Variants in ST6GAL1 observed in about 807,000 individuals in gnomAD.
The protein encoded by ST6GAL1 is beta-galactoside alpha-2,6-sialyltransferase 1.
ST6GAL1 carries 20 observed loss-of-function variants against 38.0 expected under a neutral mutation model. That is an observed-to-expected ratio of 0.53 (90% CI 0.37 to 0.77). The LOEUF is 0.77. Ranked by LOEUF, ST6GAL1 falls within the 30% of genes least tolerant of loss-of-function variation. The probability of loss-of-function intolerance (pLI) is 0.00; values close to 1 mark genes in which losing one functional copy is unlikely to be tolerated. For synonymous variants in ST6GAL1, 196 were observed against 188.2 expected, an observed-to-expected ratio of 1.04 and a Z score of -0.34; for missense variants, 432 against 496.4, an observed-to-expected ratio of 0.87 and a Z score of 1.23.
chr3:187,064,520 A>T (rs1312371175), intron 5 of ST6GAL1: 1 of 456,662 alleles, frequency 2.2e-6, no homozygotes, highest in South Asian at 1.5e-5. Context: ...ACACTTCTAG[A>T]TCTCTGTGCA....
intron 2 of ST6GAL1, among the ~76,000 whole-genome samples, chr3:187,018,174 G>A (rs75572438): frequency 0.043 from 6,575 of 152,132 alleles, 192 homozygotes; most frequent in Non-Finnish European, 0.061. Flanking sequence ...CAGAAAAATC[G>A]TAATTTTACA....
intron 2 of ST6GAL1, among the ~76,000 whole-genome samples, chr3:187,010,246 T>C (rs1716912881): frequency 6.6e-6 from 1 of 152,246 alleles, no homozygotes; most frequent in South Asian, 2.1e-4. Context: ...CAAATTGTCC[T>C]TCAGAGAAGA....
intron 5 of ST6GAL1, chr3:187,072,284 CAA>C (rs1277782797): frequency 1.3e-5 from 2 of 159,384 alleles, no homozygotes; most frequent in African/African-American, 4.8e-5. Context: ...CCTCTGCACA[CAA>C]ACTGAATATT....
At chr3:187,025,076 C>CCCAGGGGTGGTACGATTCTG (rs1222052760) in intron 2 of ST6GAL1, among the ~76,000 whole-genome samples, 1 of 151,618 alleles carries the variant, frequency 6.6e-6, no homozygotes, top group Admixed American at 6.6e-5. Context: ...TCTCAATTCT[C>CCCAGGGGTGGTACGATTCTG]CCAGGGGTGG....
chr3:186,963,135 C>G (rs775748901), intron 1 of ST6GAL1, among the ~76,000 whole-genome samples: 1 of 152,138 alleles, frequency 6.6e-6, no homozygotes, highest in Non-Finnish European at 1.5e-5. Context: ...CAAATGCCCT[C>G]TATTCAGGCA....
chr3:187,009,533 G>A (rs555591723), intron 2 of ST6GAL1, among the ~76,000 whole-genome samples: 6 of 152,328 alleles, frequency 3.9e-5, no homozygotes, highest in African/African-American at 1.4e-4. Context: ...TTGGGAGGCT[G>A]AGGAGGGAGG....
At chr3:186,981,466 T>C (rs1265969718) in intron 2 of ST6GAL1, among the ~76,000 whole-genome samples, 3 of 152,170 alleles carry the variant, frequency 2.0e-5, no homozygotes, top group East Asian at 1.9e-4. Flanking sequence ...ACAGCAGATA[T>C]TTGAGGGCCA....
chr3:186,964,492 C>T (rs1241096640), intron 2 of ST6GAL1: 1 of 152,166 alleles, frequency 6.6e-6, no homozygotes, highest in African/African-American at 2.4e-5. Context: ...TACAATATAT[C>T]TGAAACCCTG....
chr3:186,987,959 T>C (rs1716011322), intron 2 of ST6GAL1, among the ~76,000 whole-genome samples: 1 of 152,228 alleles, frequency 6.6e-6, no homozygotes, highest in Non-Finnish European at 1.5e-5. Context: ...TCTTTTCCAG[T>C]TGGCAGTCAT....
intron 2 of ST6GAL1, among the ~76,000 whole-genome samples, chr3:187,024,519 GAGAGTA>G (rs2108567958): frequency 7.2e-6 from 1 of 138,154 alleles, no homozygotes; most frequent in East Asian, 2.1e-4. Context: ...GAGAGAGAGA[GAGAGTA>G]TATGTGTATA....
intron 5 of ST6GAL1, among the ~76,000 whole-genome samples, chr3:187,068,515 A>T (rs1160926741): frequency 6.6e-6 from 1 of 152,220 alleles, no homozygotes; most frequent in African/African-American, 2.4e-5. Flanking sequence ...TGTTGTGAAG[A>T]TAAACTGAGT....
chr3:187,059,132 C>T (rs1560180221), intron 5 of ST6GAL1, among the ~76,000 whole-genome samples: 1 of 151,766 alleles, frequency 6.6e-6, no homozygotes, highest in Non-Finnish European at 1.5e-5. Context: ...GGCGTTACAC[C>T]ACTCCAAGAG....
intron 2 of ST6GAL1, among the ~76,000 whole-genome samples, chr3:186,973,686 G>A (rs1715427890): frequency 6.6e-6 from 1 of 152,122 alleles, no homozygotes; most frequent in Non-Finnish European, 1.5e-5. Flanking sequence ...AGTGTCTTAG[G>A]GAGTGTTGGC....
intron 2 of ST6GAL1, among the ~76,000 whole-genome samples, chr3:187,007,193 A>T (rs960144910): frequency 1.3e-5 from 2 of 152,172 alleles, no homozygotes; most frequent in Non-Finnish European, 2.9e-5. Flanking sequence ...GTCCGAGATA[A>T]CTCCATCTTT....
chr3:187,001,955 C>CAAA (rs757487688), intron 2 of ST6GAL1, among the ~76,000 whole-genome samples: 7 of 130,512 alleles, frequency 5.4e-5, no homozygotes, highest in African/African-American at 1.5e-4. Flanking sequence ...GACTTTGTCT[C>CAAA]AAAAAAAAAA....
intron 4 of ST6GAL1, among the ~76,000 whole-genome samples, chr3:187,047,007 A>G (rs1018039664): frequency 4.7e-4 from 72 of 152,184 alleles, no homozygotes; most frequent in African/African-American, 1.6e-3. Flanking sequence ...GTGCAGTGGC[A>G]TGATCTCGGC....
intron 2 of ST6GAL1, among the ~76,000 whole-genome samples, chr3:187,000,397 A>T (rs3902002): frequency 6.0e-5 from 2 of 33,472 alleles, no homozygotes; most frequent in African/African-American, 2.5e-4. Context: ...TAAAAATACA[A>T]AAAAAAAAAA....
At position 187,024,491 on chromosome 3, in the gene ST6GAL1, TATAGAGAGAGAGAG is replaced by T. The variant is rs1204981387; in HGVS notation, c.-182-14249_-182-14236del. 5.3e-3 allele frequency among the ~76,000 whole-genome samples: 553 copies of T among 105,290 alleles called. 5 individuals carry two copies. Among genetic ancestry groups the T allele is most frequent in the South Asian group, 0.036 (112 of 3,122 alleles). 69.1% of individuals were successfully genotyped at this position (105,290 alleles called of 152,430 possible). On this transcript the variant is annotated intron_variant, in intron 2 of 7. Transcript: ENST00000169298. ...ATATATGTGTATATATATATATATA[TATAGAGAGAGAGAG>T]AGAGAGAGAGAGAGAGAGTATATGT...
At chr3:186,959,255 A>T (rs1714851858) in intron 1 of ST6GAL1, among the ~76,000 whole-genome samples, 1 of 152,132 alleles carries the variant, frequency 6.6e-6, no homozygotes, top group Non-Finnish European at 1.5e-5. Context: ...TGCAACTCAT[A>T]CTTAGTTTCA....
Sources: gnomAD v4.1 joint callset for allele counts (sites outside exome capture counted in the v4.1 genomes callset) on GRCh38, gnomAD v4.1.1 for gene constraint, MANE v1.5 for transcripts, NCBI Gene and HGNC (gene_info 2026-07-23, HGNC 2026-07-21) for gene names.